The following ZNF714 variants were observed in gnomAD, a reference collection of about 807,000 sequenced individuals.
The protein encoded by ZNF714 is zinc finger protein 714.
ZNF714 carries 32 observed loss-of-function variants against 46.2 expected under a neutral mutation model. That is an observed-to-expected ratio of 0.69 (90% CI 0.52 to 0.93). The LOEUF is 0.93. Ranked by LOEUF, ZNF714 falls within the 40% of genes least tolerant of loss-of-function variation. The pLI is 0.00. For missense variants in ZNF714, 635 were observed against 646.3 expected (o/e 0.98, Z 0.19); for synonymous variants, 199 against 213.1 (o/e 0.93, Z 0.58).
chr19:21,092,757 T>A (rs1193627243), intron 2 of ZNF714, among the ~76,000 whole-genome samples: 6 of 152,184 alleles, frequency 3.9e-5, no homozygotes, highest in African/African-American at 1.4e-4. Flanking sequence ...CAACTAGGCC[T>A]CAGTGTCTGT....
At chr19:21,092,906 CTT>C (rs56845417) in intron 2 of ZNF714, among the ~76,000 whole-genome samples, 1 of 101,702 alleles carries the variant, frequency 9.8e-6, no homozygotes, top group African/African-American at 3.8e-5. Context: ...ATAACTTAAA[CTT>C]TTTTTTTTTT....
chr19:21,100,096 C>T (rs1969140546), intron 4 of ZNF714, among the ~76,000 whole-genome samples: 1 of 152,000 alleles, frequency 6.6e-6, no homozygotes, highest in Non-Finnish European at 1.5e-5. Flanking sequence ...CCTTGTGATC[C>T]GCCCACCTTG....
chr19:21,089,076 A>C (rs538003935), intron 2 of ZNF714, among the ~76,000 whole-genome samples: 3 of 152,316 alleles, frequency 2.0e-5, no homozygotes, highest in East Asian at 3.9e-4. Flanking sequence ...TTACATGCCA[A>C]AGTTCTTTTA....
At chr19:21,098,035 T>C in intron 2 of ZNF714, 150 bp from the exon 3 acceptor site, 1 of 1,180,198 alleles carries the variant, frequency 8.5e-7, no homozygotes, top group East Asian at 2.7e-5. Flanking sequence ...TTAGAGAATA[T>C]TTCTGTGTTA....
chr19:21,122,655 T>G lies in ZNF714; in HGVS notation c.*4323T>G, dbSNP rs1259885614. On this transcript the variant is annotated 3_prime_UTR_variant, in exon 5 of 5. Transcript: ENST00000456283. ...TTTATTTTCTACTTCTCTTCAGATT[T>G]GTTTCTCGTATGTATTTTCCAACTA... 1.3e-5 allele frequency: 2 copies of G among 152,288 alleles called. No individual in the cohort carries two copies. The allele number at this position is 152,288 out of a possible 1,614,324, so 9.4% of individuals were successfully genotyped here. A position where few individuals can be genotyped will look rare whatever the true frequency, so the allele number is the denominator to read the frequency against.
intron 4 of ZNF714, among the ~76,000 whole-genome samples, chr19:21,099,169 T>C (rs550943950): frequency 1.2e-3 from 187 of 152,220 alleles, no homozygotes; most frequent in Non-Finnish European, 2.3e-3. Flanking sequence ...ACACTGTTTT[T>C]TTTTGTTTTG....
intron 2 of ZNF714, among the ~76,000 whole-genome samples, chr19:21,095,085 G>C (rs1288194869): frequency 1.3e-5 from 2 of 151,966 alleles, no homozygotes; most frequent in African/African-American, 4.8e-5. Flanking sequence ...AAATATTTTT[G>C]TTTATTTGGT....
chr19:21,088,330 C>G (rs1468812556), intron 2 of ZNF714, among the ~76,000 whole-genome samples: 1 of 152,084 alleles, frequency 6.6e-6, no homozygotes, highest in Non-Finnish European at 1.5e-5. Flanking sequence ...ATTTACTATA[C>G]AACATCTTTT....
intron 2 of ZNF714, among the ~76,000 whole-genome samples, chr19:21,086,868 C>A (rs991555233): frequency 1.1e-4 from 16 of 152,248 alleles, no homozygotes; most frequent in Admixed American, 9.8e-4. Flanking sequence ...TCTGTAACTA[C>A]TTCATGCTGA....
intron 2 of ZNF714, among the ~76,000 whole-genome samples, chr19:21,088,210 A>G (rs1968828786): frequency 6.6e-6 from 1 of 152,212 alleles, no homozygotes; most frequent in Non-Finnish European, 1.5e-5. Flanking sequence ...AATTTCTTTT[A>G]GTGAATTATT....
intron 2 of ZNF714, among the ~76,000 whole-genome samples, chr19:21,093,899 G>A (rs1220243937): frequency 6.6e-6 from 1 of 152,218 alleles, no homozygotes; most frequent in East Asian, 1.9e-4. Flanking sequence ...CTCCCAAAGT[G>A]CCGGGATTAC....
chr19:21,093,886 G>A (rs769587940), intron 2 of ZNF714, among the ~76,000 whole-genome samples: 4 of 152,004 alleles, frequency 2.6e-5, no homozygotes, highest in Admixed American at 6.6e-5. Flanking sequence ...CACCTGCCTC[G>A]GCCTCCCAAA....
At chr19:21,107,478 A>G (rs1299989125) in intron 4 of ZNF714, among the ~76,000 whole-genome samples, 2 of 152,158 alleles carry the variant, frequency 1.3e-5, no homozygotes, top group African/African-American at 4.8e-5. Context: ...ACCTCAGGTG[A>G]TCCGCCCACC....
intron 2 of ZNF714, among the ~76,000 whole-genome samples, chr19:21,093,311 C>T (rs1397004506): frequency 6.6e-6 from 1 of 152,104 alleles, no homozygotes; most frequent in Admixed American, 6.5e-5. Context: ...CAGCTCACCA[C>T]AACCTCCGCC....
chr19:21,112,752 T>C (rs1344928036), intron 4 of ZNF714, among the ~76,000 whole-genome samples: 1 of 151,394 alleles, frequency 6.6e-6, no homozygotes, highest in Non-Finnish European at 1.5e-5. Flanking sequence ...TTTAGCTGTA[T>C]GCCAGAGATT....
chr19:21,097,347 G>A (rs993642551), intron 2 of ZNF714, among the ~76,000 whole-genome samples: 8 of 152,102 alleles, frequency 5.3e-5, no homozygotes, highest in Non-Finnish European at 1.2e-4. Context: ...GTCTATAATT[G>A]ACTTTTTGAG....
intron 2 of ZNF714, among the ~76,000 whole-genome samples, chr19:21,094,685 C>G (rs939367993): frequency 6.6e-6 from 1 of 152,104 alleles, no homozygotes; most frequent in Non-Finnish European, 1.5e-5. Context: ...TGCCACCAAG[C>G]CTGACTAATT....
intron 2 of ZNF714, among the ~76,000 whole-genome samples, chr19:21,097,494 T>C (rs1036514830): frequency 6.6e-6 from 1 of 152,196 alleles, no homozygotes; most frequent in Non-Finnish European, 1.5e-5. Context: ...GAGTTAATTG[T>C]TTTTCTCTTT....
chr19:21,085,519 G>A (rs1046616186), intron 2 of ZNF714, among the ~76,000 whole-genome samples: 3 of 152,272 alleles, frequency 2.0e-5, no homozygotes, highest in African/African-American at 7.2e-5. Context: ...CTGTGTTTGA[G>A]TAATTTTGCT....
Sources: allele counts gnomAD v4.1 joint callset (sites outside exome capture counted in the v4.1 genomes callset), GRCh38; gene constraint gnomAD v4.1.1; transcripts MANE v1.5; gene names NCBI Gene and HGNC (gene_info 2026-07-23, HGNC 2026-07-21).